Variants in KCNJ6 observed in about 807,000 individuals in gnomAD.
KCNJ6 encodes the protein potassium inwardly rectifying channel subfamily J member 6.
In KCNJ6, 9 loss-of-function variants were observed where a neutral mutation model predicts 34.2. The observed-to-expected ratio is 0.26, with a 90% confidence interval of 0.16 to 0.46. The LOEUF (loss-of-function observed/expected upper bound fraction) is 0.46. KCNJ6 is among the 20% of genes least tolerant of loss of function. The pLI is 1.00. For missense variants in KCNJ6, 236 were observed against 531.3 expected, an observed-to-expected ratio of 0.44 and a Z score of 5.46; for synonymous variants, 196 against 207.1, an observed-to-expected ratio of 0.95 and a Z score of 0.46.
chr21:37,871,042 C>A (rs1308110944), intron 1 of KCNJ6, among the ~76,000 whole-genome samples: 1 of 152,112 alleles, frequency 6.6e-6, no homozygotes, highest in Admixed American at 6.5e-5. Context: ...TCTTCTCTCC[C>A]ATTCATTACC....
At chr21:37,854,165 C>T (rs1391355870) in intron 1 of KCNJ6, among the ~76,000 whole-genome samples, 1 of 151,336 alleles carries the variant, frequency 6.6e-6, no homozygotes, top group Admixed American at 6.6e-5. Context: ...TAAAAAGCAA[C>T]TCCAACTACA....
At chr21:37,725,253 C>T (rs1394209378) in intron 2 of KCNJ6, among the ~76,000 whole-genome samples, 1 of 152,070 alleles carries the variant, frequency 6.6e-6, no homozygotes, top group Admixed American at 6.5e-5. Flanking sequence ...ATTAGCTGGG[C>T]ATGGTGGTGC....
chr21:37,846,831 C>T (rs990114973), intron 1 of KCNJ6, among the ~76,000 whole-genome samples: 4 of 152,138 alleles, frequency 2.6e-5, no homozygotes, highest in African/African-American at 9.7e-5. Flanking sequence ...TCAAATCTCC[C>T]GCCCTGTTCT....
rs576284685 is a variant in KCNJ6 at position 37,873,609 on chromosome 21, T to G, written c.-27-32900A>C. 3.5e-4 allele frequency among the ~76,000 whole-genome samples: 53 copies of G among 152,334 alleles called. 1 individual carries two copies. The South Asian group carries it at 0.011, about 32-fold the overall frequency. ...ATTGACCCTAATCTATAAGTGTTTC[T>G]GCACTGAAAAGCCTTTTTTAGAACC... On this transcript the variant is annotated intron_variant, in intron 1 of 3. Transcript: ENST00000609713.
intron 2 of KCNJ6, among the ~76,000 whole-genome samples, chr21:37,765,643 G>A (rs1406548257): frequency 6.6e-6 from 1 of 152,212 alleles, no homozygotes; most frequent in Non-Finnish European, 1.5e-5. Context: ...TTAAGACTGT[G>A]TCAAGTTCAT....
chr21:37,684,402 C>T (rs948603845), intron 3 of KCNJ6, among the ~76,000 whole-genome samples: 1 of 152,044 alleles, frequency 6.6e-6, no homozygotes, highest in African/African-American at 2.4e-5. Flanking sequence ...TGCTCTTCTC[C>T]AGTAGGACCT....
intron 2 of KCNJ6, among the ~76,000 whole-genome samples, chr21:37,791,355 C>A (rs776284019): frequency 3.3e-5 from 5 of 152,246 alleles, no homozygotes; most frequent in Non-Finnish European, 2.9e-5. Context: ...AAGAAAAGCA[C>A]TTTCATCATC....
intron 1 of KCNJ6, among the ~76,000 whole-genome samples, chr21:37,853,846 G>GTGTGTGTATATATATATATATACA (rs71198897): frequency 8.6e-6 from 1 of 115,992 alleles, no homozygotes; most frequent in Admixed American, 8.7e-5. Flanking sequence ...ATATATATAT[G>GTGTGTGTATATATATATATATACA]TATATATATA....
rs544277620 is a variant in KCNJ6 at position 37,813,332 on chromosome 21, C to A, written c.25+27326G>T. 3.3e-5 allele frequency among the ~76,000 whole-genome samples: 5 copies of A among 152,180 alleles called. No individual in the cohort carries two copies. The South Asian group carries it at 1.0e-3, about 32-fold the overall frequency. On this transcript the variant is annotated intron_variant, in intron 2 of 3. Transcript: ENST00000609713. Reference sequence around the variant, plus strand: ...ATGTTGTTAAAATGTCGATACTACCCAAAGCAATCTACAGATTCAATGTAT... The same window carrying A: ...ATGTTGTTAAAATGTCGATACTACCAAAAGCAATCTACAGATTCAATGTAT...
rs1569438845 is a variant in KCNJ6 at position 37,655,214 on chromosome 21, TGTGTGTGTGTGAGAGAGAGA to T, written c.947-29750_947-29731del. On this transcript the variant is annotated intron_variant, in intron 3 of 3. Transcript: ENST00000609713. ...GTGTGTGTGTGTGTGTGTGTGTGTG[TGTGTGTGTGTGAGAGAGAGA>T]GAGAGAGAGAGAGAGAGAGAGAGAG... Among the ~76,000 whole-genome samples the T allele has an allele frequency of 7.0e-3, 504 of 72,376 alleles. 14 individuals carry two copies. Among genetic ancestry groups the T allele is most frequent in the East Asian group, 0.02 (61 of 3,012 alleles). The allele number at this position is 72,376 out of a possible 152,430, so 47.5% of individuals were successfully genotyped here. A position where few individuals can be genotyped will look rare whatever the true frequency, so the allele number is the denominator to read the frequency against.
intron 2 of KCNJ6, among the ~76,000 whole-genome samples, chr21:37,775,900 A>G (rs1157966565): frequency 6.6e-6 from 1 of 152,086 alleles, no homozygotes; most frequent in Admixed American, 6.6e-5. Context: ...AGTCATTGGT[A>G]GCTTGATGGG....
intron 2 of KCNJ6, among the ~76,000 whole-genome samples, chr21:37,769,967 A>C (rs969946492): frequency 2.6e-5 from 4 of 152,178 alleles, no homozygotes; most frequent in Non-Finnish European, 5.9e-5. Flanking sequence ...TGGTGCCTTG[A>C]TCTTACACTT....
chr21:37,865,628 C>G (rs1333954188), intron 1 of KCNJ6, among the ~76,000 whole-genome samples: 1 of 152,182 alleles, frequency 6.6e-6, no homozygotes, highest in African/African-American at 2.4e-5. Flanking sequence ...AAGAACTTGT[C>G]CATGTCATAC....
At chr21:37,877,112 A>G (rs1441720466) in intron 1 of KCNJ6, among the ~76,000 whole-genome samples, 1 of 152,212 alleles carries the variant, frequency 6.6e-6, no homozygotes, top group African/African-American at 2.4e-5. Flanking sequence ...TGCATGTGCT[A>G]TAGTGAACCC....
intron 2 of KCNJ6, among the ~76,000 whole-genome samples, chr21:37,729,917 C>CT (rs34009937): frequency 0.36 from 55,085 of 151,814 alleles, 10,185 homozygotes; most frequent in South Asian, 0.44. Flanking sequence ...CTTCATCCTC[C>CT]TTTTTTTTAG....
intron 2 of KCNJ6, among the ~76,000 whole-genome samples, chr21:37,771,668 C>T (rs562830481): frequency 1.3e-5 from 2 of 152,134 alleles, no homozygotes; most frequent in African/African-American, 2.4e-5. Flanking sequence ...CAAGGAGATG[C>T]GCCAGATAGC....
chr21:37,910,451 C>A (rs2055861947), intron 1 of KCNJ6, among the ~76,000 whole-genome samples: 2 of 152,188 alleles, frequency 1.3e-5, no homozygotes, highest in South Asian at 4.1e-4. Flanking sequence ...GAAACTGCCA[C>A]AGGATTTAAA....
intron 1 of KCNJ6, among the ~76,000 whole-genome samples, chr21:37,846,843 C>T (rs1490429962): frequency 6.6e-6 from 1 of 152,166 alleles, no homozygotes; most frequent in Non-Finnish European, 1.5e-5. Context: ...CCCTGTTCTT[C>T]AGGTTCTCAA....
intron 1 of KCNJ6, among the ~76,000 whole-genome samples, chr21:37,903,514 T>C (rs1245583744): frequency 6.6e-6 from 1 of 152,196 alleles, no homozygotes; most frequent in Admixed American, 6.5e-5. Context: ...GGCCATCTTA[T>C]GGAATCTTAG....
Sources: gnomAD v4.1 joint callset for allele counts (sites outside exome capture counted in the v4.1 genomes callset) on GRCh38, gnomAD v4.1.1 for gene constraint, MANE v1.5 for transcripts, NCBI Gene and HGNC (gene_info 2026-07-23, HGNC 2026-07-21) for gene names.